FSTL5: variants seen among roughly 807,000 people sequenced by gnomAD.
FSTL5 encodes follistatin-related protein 5.
A neutral mutation model predicts 89.1 loss-of-function variants in FSTL5; 62 were observed. The ratio of observed to expected loss-of-function variants is 0.70; its 90% CI spans 0.57 to 0.86. The LOEUF (loss-of-function observed/expected upper bound fraction) is 0.86, where lower values mean the gene tolerates loss of function less well. FSTL5 is among the 40% of genes least tolerant of loss of function. FSTL5 has a pLI of 0.00. For synonymous variants in FSTL5, 383 were observed against 346.2 expected, an observed-to-expected ratio of 1.11 and a Z score of -1.18; for missense variants, 1,057 against 1,001.6, an observed-to-expected ratio of 1.06 and a Z score of -0.75.
At chr4:161,867,002 T>C (rs543356945) in intron 4 of FSTL5, among the ~76,000 whole-genome samples, 1 of 152,148 alleles carries the variant, frequency 6.6e-6, no homozygotes, top group South Asian at 2.1e-4. Flanking sequence ...GCTAGTAAAA[T>C]GACTTCTCTT....
intron 8 of FSTL5, among the ~76,000 whole-genome samples, chr4:161,556,291 T>G (rs1732388685): frequency 6.6e-6 from 1 of 151,782 alleles, no homozygotes; most frequent in South Asian, 2.1e-4. Context: ...TTCAATATTA[T>G]ATTAAAATGT....
At chr4:161,721,723 G>A (rs576343626) in intron 6 of FSTL5, among the ~76,000 whole-genome samples, 66 of 152,180 alleles carry the variant, frequency 4.3e-4, no homozygotes, top group Middle Eastern at 3.4e-3. Flanking sequence ...GTCACACTGC[G>A]TCAGAAAAAT....
At chr4:162,078,005 C>A (rs6832324) in intron 2 of FSTL5, among the ~76,000 whole-genome samples, 91,512 of 151,604 alleles carry the variant, frequency 0.6, 28,208 homozygotes, top group African/African-American at 0.73. Flanking sequence ...ATCACCAGCA[C>A]CCATGAAAAC....
At position 161,409,968 on chromosome 4, in the gene FSTL5, A is replaced by C. The variant is rs940872907; in HGVS notation, c.1842-23519T>G. ...TTGCATAAAAAAACAAGACCCATCC[A>C]TCTGCTCTCCTCAAGAGACCGATTT... On this transcript the variant is annotated intron_variant, in intron 15 of 15. Transcript: ENST00000306100. Among the ~76,000 whole-genome samples the C allele has an allele frequency of 2.0e-5, 3 of 152,184 alleles. No homozygotes were observed. The East Asian group carries it at 5.8e-4, about 29-fold the overall frequency.
intron 4 of FSTL5, among the ~76,000 whole-genome samples, chr4:161,791,506 G>C (rs1469767976): frequency 6.6e-6 from 1 of 152,166 alleles, no homozygotes; most frequent in Non-Finnish European, 1.5e-5. Flanking sequence ...CCACTACTCA[G>C]ATGTGCTGTT....
At chr4:161,557,658 A>C (rs568314683) in intron 8 of FSTL5, among the ~76,000 whole-genome samples, 8 of 151,732 alleles carry the variant, frequency 5.3e-5, no homozygotes, top group Non-Finnish European at 1.2e-4. Context: ...CACACTGCAT[A>C]TAAGAGTAAC....
intron 13 of FSTL5, among the ~76,000 whole-genome samples, chr4:161,470,189 T>C (rs1051299708): frequency 6.6e-6 from 1 of 152,170 alleles, no homozygotes; most frequent in South Asian, 2.1e-4. Context: ...TCCAATAGCA[T>C]AAATTTTTTG....
intron 1 of FSTL5, among the ~76,000 whole-genome samples, chr4:162,139,916 G>T (rs1486914638): frequency 1.3e-5 from 2 of 152,040 alleles, no homozygotes; most frequent in Non-Finnish European, 2.9e-5. Flanking sequence ...CATCAGCAAA[G>T]AATTTGTATC....
intron 4 of FSTL5, among the ~76,000 whole-genome samples, chr4:161,803,830 G>A (rs1288206185): frequency 6.6e-6 from 1 of 152,004 alleles, no homozygotes; most frequent in Non-Finnish European, 1.5e-5. Flanking sequence ...TCAGAAGTCT[G>A]GTGCACTGTG....
intron 10 of FSTL5, among the ~76,000 whole-genome samples, chr4:161,532,077 C>T (rs530227089): frequency 2.6e-4 from 39 of 151,790 alleles, no homozygotes; most frequent in African/African-American, 8.5e-4. Context: ...TGGTGGTGGG[C>T]GCCTGTAGTC....
intron 8 of FSTL5, among the ~76,000 whole-genome samples, chr4:161,584,278 C>T (rs529013783): frequency 4.7e-4 from 72 of 152,150 alleles, no homozygotes; most frequent in Non-Finnish European, 8.2e-4. Flanking sequence ...GCAAAAAGGA[C>T]GTCCTCATGC....
At chr4:161,631,223 T>A (rs1735495937) in intron 7 of FSTL5, among the ~76,000 whole-genome samples, 1 of 152,256 alleles carries the variant, frequency 6.6e-6, no homozygotes, top group Non-Finnish European at 1.5e-5. Context: ...TAGAGTTTTC[T>A]CATATTCCTT....
At chr4:161,567,817 T>C (rs1395553740) in intron 8 of FSTL5, among the ~76,000 whole-genome samples, 1 of 150,878 alleles carries the variant, frequency 6.6e-6, no homozygotes, top group Non-Finnish European at 1.5e-5. Context: ...CGTCTTTGAT[T>C]CATGTAGAGG....
chr4:161,507,645 G>T (rs1730524946), intron 11 of FSTL5, among the ~76,000 whole-genome samples: 1 of 151,466 alleles, frequency 6.6e-6, no homozygotes, highest in African/African-American at 2.4e-5. Context: ...ATTTAAAGAT[G>T]AGTAGAAAGC....
intron 12 of FSTL5, among the ~76,000 whole-genome samples, chr4:161,485,087 C>G (rs996786713): frequency 1.3e-5 from 2 of 152,094 alleles, no homozygotes; most frequent in African/African-American, 4.8e-5. Context: ...TACAACTATT[C>G]ATTTAAATAT....
chr4:161,572,591 A>G (rs1342375405), intron 8 of FSTL5, among the ~76,000 whole-genome samples: 1 of 152,154 alleles, frequency 6.6e-6, no homozygotes, highest in Non-Finnish European at 1.5e-5. Flanking sequence ...TTACCAGAAA[A>G]TAAGATTACT....
At chr4:161,415,453 C>T (rs140578427) in intron 15 of FSTL5, among the ~76,000 whole-genome samples, 2,329 of 152,102 alleles carry the variant, frequency 0.015, 54 homozygotes, top group African/African-American at 0.053. Flanking sequence ...TGGTGTTTCA[C>T]CATGTTGGCC....
intron 3 of FSTL5, among the ~76,000 whole-genome samples, chr4:162,030,246 C>A (rs983416115): frequency 1.2e-4 from 18 of 151,874 alleles, no homozygotes; most frequent in Middle Eastern, 3.4e-3. Flanking sequence ...GATATGATTT[C>A]TCAAAATGCT....
intron 8 of FSTL5, among the ~76,000 whole-genome samples, chr4:161,544,140 A>T (rs1031238631): frequency 2.6e-5 from 4 of 151,886 alleles, no homozygotes; most frequent in African/African-American, 4.8e-5. Flanking sequence ...TTAAAAAATT[A>T]AAAAAAATCA....
Sources: allele counts gnomAD v4.1 joint callset (sites outside exome capture counted in the v4.1 genomes callset), GRCh38; gene constraint gnomAD v4.1.1; transcripts MANE v1.5; gene names NCBI Gene and HGNC (gene_info 2026-07-23, HGNC 2026-07-21).